Variants in TFAP2D observed in about 807,000 individuals in gnomAD.
TFAP2D encodes transcription factor AP-2-delta.
TFAP2D carries 9 observed loss-of-function variants against 43.6 expected under a neutral mutation model. The observed-to-expected ratio is 0.21, with a 90% CI of 0.12 to 0.36. The LOEUF is 0.36. Among genes scored for constraint, TFAP2D ranks in the 10% least tolerant of loss-of-function variants. The probability of loss-of-function intolerance (pLI) is 1.00; values close to 1 mark genes in which losing one functional copy is unlikely to be tolerated. For synonymous variants in TFAP2D, 256 were observed against 224.9 expected, an observed-to-expected ratio of 1.14 and a Z score of -1.24; for missense variants, 513 against 561.4, an observed-to-expected ratio of 0.91 and a Z score of 0.87.
At chr6:50,738,614 C>T (rs1410079377) in intron 5 of TFAP2D, among the ~76,000 whole-genome samples, 2 of 152,100 alleles carry the variant, frequency 1.3e-5, no homozygotes, top group Non-Finnish European at 2.9e-5. Context: ...AGGTGGCCAC[C>T]TTGTTGGCTT....
intron 2 of TFAP2D, among the ~76,000 whole-genome samples, chr6:50,716,459 A>AAAGG (rs34745498): frequency 0.35 from 52,455 of 151,078 alleles, 9,246 homozygotes; most frequent in East Asian, 0.45. Context: ...AGGAAGGAGA[A>AAAGG]AAGGAAGGAA....
At chr6:50,735,391 G>A (rs1224850936) in intron 5 of TFAP2D, among the ~76,000 whole-genome samples, 4 of 152,072 alleles carry the variant, frequency 2.6e-5, no homozygotes, top group Non-Finnish European at 4.4e-5. Flanking sequence ...TGTTTTTCAC[G>A]TTAGATTGGT....
At chr6:50,729,820 A>C (rs936339958) in intron 5 of TFAP2D, among the ~76,000 whole-genome samples, 1 of 152,168 alleles carries the variant, frequency 6.6e-6, no homozygotes, top group African/African-American at 2.4e-5. Context: ...TGGGTGGATA[A>C]GCTCAGCTCA....
intron 3 of TFAP2D, among the ~76,000 whole-genome samples, chr6:50,727,493 T>G (rs1307176984): frequency 3.3e-5 from 5 of 152,184 alleles, no homozygotes; most frequent in Non-Finnish European, 7.3e-5. Context: ...TTCTCAAACT[T>G]TAATGACCAT....
At chr6:50,715,843 G>C (rs781340396) in intron 2 of TFAP2D, among the ~76,000 whole-genome samples, 1 of 150,918 alleles carries the variant, frequency 6.6e-6, no homozygotes, top group African/African-American at 2.4e-5. Context: ...CCTCTCATTG[G>C]ATCCAAGCAT....
chr6:50,715,839 A>C (rs918812215), intron 2 of TFAP2D, among the ~76,000 whole-genome samples: 1 of 150,818 alleles, frequency 6.6e-6, no homozygotes, highest in Non-Finnish European at 1.5e-5. Context: ...TCTTCCTCTC[A>C]TTGGATCCAA....
intron 1 of TFAP2D, 77 bp downstream of exon 1, chr6:50,714,171 G>C: frequency 6.9e-7 from 1 of 1,459,392 alleles, no homozygotes; most frequent in East Asian, 2.3e-5. Context: ...CGGTGGCGGC[G>C]GCGGTGGCAG....
intron 6 of TFAP2D, among the ~76,000 whole-genome samples, chr6:50,747,697 GATTGTGTTTTAATAGAAGTA>G (rs1335030334): frequency 2.6e-5 from 4 of 152,076 alleles, no homozygotes; most frequent in Admixed American, 6.6e-5. Flanking sequence ...TTGGCACCGA[GATTGTGTTTTAATAGAAGTA>G]AATGCTAGAA....
intron 3 of TFAP2D, 23 bp downstream of exon 3, chr6:50,719,173 T>C: frequency 6.2e-7 from 1 of 1,610,696 alleles, no homozygotes; most frequent in Non-Finnish European, 8.5e-7. Context: ...TAACAACATG[T>C]TAACCCTAGA....
intron 3 of TFAP2D, among the ~76,000 whole-genome samples, chr6:50,723,441 C>T (rs1768761355): frequency 6.6e-6 from 1 of 152,188 alleles, no homozygotes; most frequent in African/African-American, 2.4e-5. Context: ...GGAAGCCTTG[C>T]TCTTCTTCCT....
intron 7 of TFAP2D, among the ~76,000 whole-genome samples, chr6:50,755,603 T>C (rs1050029721): frequency 6.6e-6 from 1 of 151,948 alleles, no homozygotes; most frequent in Non-Finnish European, 1.5e-5. Context: ...ATAAGCTTTT[T>C]TTCCCCCTTT....
chr6:50,763,014 T>C (rs1182360004), intron 7 of TFAP2D, among the ~76,000 whole-genome samples: 1 of 152,066 alleles, frequency 6.6e-6, no homozygotes, highest in Admixed American at 6.6e-5. Context: ...TTCCTATGAA[T>C]AGCCCTTCAG....
intron 3 of TFAP2D, among the ~76,000 whole-genome samples, chr6:50,725,912 T>G (rs915727506): frequency 6.6e-6 from 1 of 152,150 alleles, no homozygotes; most frequent in East Asian, 1.9e-4. Flanking sequence ...ATGCCAGGTA[T>G]CAAAGCAACA....
intron 7 of TFAP2D, among the ~76,000 whole-genome samples, chr6:50,769,180 C>A (rs937746761): frequency 6.6e-6 from 1 of 152,186 alleles, no homozygotes; most frequent in African/African-American, 2.4e-5. Flanking sequence ...AGGCATGAGC[C>A]ACTGCGCCCA....
intron 7 of TFAP2D, among the ~76,000 whole-genome samples, chr6:50,767,830 G>C (rs973110480): frequency 1.3e-5 from 2 of 152,162 alleles, no homozygotes; most frequent in Non-Finnish European, 2.9e-5. Flanking sequence ...AGGCAACCTA[G>C]GAAACATTAA....
intron 7 of TFAP2D, among the ~76,000 whole-genome samples, chr6:50,772,255 G>T (rs959194900): frequency 9.2e-5 from 14 of 152,184 alleles, no homozygotes; most frequent in East Asian, 1.9e-4. Flanking sequence ...GTGGGCGGAG[G>T]GGGGAGGGAT....
chr6:50,757,410 TTC>T (rs1336736373), intron 7 of TFAP2D, among the ~76,000 whole-genome samples: 3 of 129,138 alleles, frequency 2.3e-5, no homozygotes, highest in Non-Finnish European at 4.7e-5. Context: ...TATATAATTA[TTC>T]TCTCTATATA....
chr6:50,757,291 A>G (rs918813602), intron 7 of TFAP2D, among the ~76,000 whole-genome samples: 2 of 143,240 alleles, frequency 1.4e-5, no homozygotes, highest in South Asian at 2.1e-4. Context: ...ATCTCTCTAT[A>G]TAGATATTCT....
intron 5 of TFAP2D, among the ~76,000 whole-genome samples, chr6:50,743,318 A>C (rs750969282): frequency 3.9e-5 from 6 of 152,116 alleles, no homozygotes; most frequent in Non-Finnish European, 8.8e-5. Flanking sequence ...GGCCTAGAAC[A>C]GGAGGTCTCA....
Sources: allele counts gnomAD v4.1 joint callset (sites outside exome capture counted in the v4.1 genomes callset), GRCh38; gene constraint gnomAD v4.1.1; transcripts MANE v1.5; gene names NCBI Gene and HGNC (gene_info 2026-07-23, HGNC 2026-07-21).